Variants in TBC1D5 observed in about 807,000 individuals in gnomAD.
TBC1D5 encodes the protein TBC1 domain family member 5, also known as TBC1 domain family, member 5.
A neutral mutation model predicts 100.3 loss-of-function variants in TBC1D5; 75 were observed. That is an observed-to-expected ratio of 0.75 (90% CI 0.62 to 0.91). TBC1D5 has a LOEUF of 0.91. TBC1D5 is among the 40% of genes least tolerant of loss of function. TBC1D5 has a pLI of 0.00. For synonymous variants in TBC1D5, 323 were observed against 325.6 expected (o/e 0.99, Z 0.09); for missense variants, 910 against 942.4 (o/e 0.97, Z 0.45).
intron 3 of TBC1D5, among the ~76,000 whole-genome samples, chr3:17,476,542 G>A (rs936090538): frequency 5.3e-5 from 8 of 150,236 alleles, no homozygotes; most frequent in African/African-American, 2.0e-4. Flanking sequence ...TATATAAAAT[G>A]TGCATGTTTT....
chr3:17,405,269 T>C (rs937355646), intron 5 of TBC1D5, among the ~76,000 whole-genome samples: 3 of 152,072 alleles, frequency 2.0e-5, no homozygotes, highest in African/African-American at 7.2e-5. Flanking sequence ...ATAATTCACA[T>C]TTTACATTCT....
chr3:17,436,128 T>G (rs1481921060), intron 3 of TBC1D5, among the ~76,000 whole-genome samples: 1 of 152,164 alleles, frequency 6.6e-6, no homozygotes, highest in Non-Finnish European at 1.5e-5. Context: ...ACTGACAGAT[T>G]CAGTTTAATG....
intron 17 of TBC1D5, among the ~76,000 whole-genome samples, chr3:17,228,344 T>A (rs987133587): frequency 1.3e-5 from 2 of 152,102 alleles, no homozygotes; most frequent in Admixed American, 1.3e-4. Flanking sequence ...TAAATGATAA[T>A]GTAAAGGGTT....
Position 17,614,306 on chromosome 3 carries a change from G to A in TBC1D5, c.-36+9543C>T, listed in dbSNP as rs150250621. Among the ~76,000 whole-genome samples, 12 of 152,310 alleles carry A rather than the reference G, an allele frequency of 7.9e-5. No individual in the cohort carries two copies. The East Asian group carries it at 2.3e-3, about 29-fold the overall frequency. On this transcript the variant is annotated intron_variant, in intron 2 of 21. Transcript: ENST00000253692. ...TTACTGTAGCCTTGTAGTATAGTTTGAAGTCAGGTAGCTTGATGCCTCCAG... is the reference window on the plus strand; with the variant it reads ...TTACTGTAGCCTTGTAGTATAGTTTAAAGTCAGGTAGCTTGATGCCTCCAG...
chr3:17,182,306 C>T (rs983946680), intron 19 of TBC1D5, among the ~76,000 whole-genome samples: 1 of 152,200 alleles, frequency 6.6e-6, no homozygotes, highest in African/African-American at 2.4e-5. Context: ...TGAACGAGTT[C>T]TGGCTGAAAG....
intron 2 of TBC1D5, among the ~76,000 whole-genome samples, chr3:17,596,463 T>C (rs946857746): frequency 1.3e-5 from 2 of 151,440 alleles, no homozygotes; most frequent in South Asian, 4.2e-4. Context: ...GGATTACAGA[T>C]GCCCACCACC....
At chr3:17,733,060 G>A (rs1051313903) in intron 1 of TBC1D5, among the ~76,000 whole-genome samples, 2 of 152,160 alleles carry the variant, frequency 1.3e-5, no homozygotes, top group African/African-American at 2.4e-5. Flanking sequence ...AGGAGACAAG[G>A]TATATCTAGA....
At chr3:17,495,114 G>A (rs1226337187) in intron 3 of TBC1D5, among the ~76,000 whole-genome samples, 1 of 152,188 alleles carries the variant, frequency 6.6e-6, no homozygotes, top group East Asian at 1.9e-4. Flanking sequence ...GTTCCAATGA[G>A]AGAACCTGGA....
At chr3:17,707,589 T>C (rs2074303951) in intron 1 of TBC1D5, among the ~76,000 whole-genome samples, 1 of 152,154 alleles carries the variant, frequency 6.6e-6, no homozygotes, top group South Asian at 2.1e-4. Flanking sequence ...CTTATTCCTA[T>C]ATATTCTAAT....
intron 2 of TBC1D5, among the ~76,000 whole-genome samples, chr3:17,543,210 T>A (rs1009606752): frequency 1.3e-5 from 2 of 152,206 alleles, no homozygotes; most frequent in African/African-American, 4.8e-5. Flanking sequence ...TGCCTCTACA[T>A]GCATAAAACA....
At chr3:17,308,577 T>C (rs1173451720) in intron 13 of TBC1D5, among the ~76,000 whole-genome samples, 1 of 152,156 alleles carries the variant, frequency 6.6e-6, no homozygotes, top group Non-Finnish European at 1.5e-5. Context: ...AATAGAAACT[T>C]AGAAAACTGC....
chr3:17,379,188 C>T (rs1042840933), intron 9 of TBC1D5, among the ~76,000 whole-genome samples: 3 of 151,342 alleles, frequency 2.0e-5, no homozygotes, highest in Admixed American at 6.6e-5. Flanking sequence ...CAAAACATTA[C>T]AATTGTTATT....
At chr3:17,337,211 A>G (rs2088034393) in intron 13 of TBC1D5, among the ~76,000 whole-genome samples, 1 of 143,564 alleles carries the variant, frequency 7.0e-6, no homozygotes, top group South Asian at 2.2e-4. Context: ...CTGATAATTT[A>G]TATTTCTAAT....
chr3:17,645,282 G>T (rs887113486), intron 1 of TBC1D5, among the ~76,000 whole-genome samples: 1 of 152,078 alleles, frequency 6.6e-6, no homozygotes, highest in African/African-American at 2.4e-5. Context: ...CCAGCAGGGG[G>T]AGATACAGAG....
At chr3:17,228,720 A>G (rs1201404831) in intron 17 of TBC1D5, among the ~76,000 whole-genome samples, 1 of 151,526 alleles carries the variant, frequency 6.6e-6, no homozygotes, top group African/African-American at 2.4e-5. Flanking sequence ...AGTTGCACAA[A>G]GTTACTGTTC....
chr3:17,216,335 T>G (rs926357871), intron 17 of TBC1D5, among the ~76,000 whole-genome samples: 3 of 152,098 alleles, frequency 2.0e-5, no homozygotes, highest in African/African-American at 7.2e-5. Flanking sequence ...ACTCCTTTAA[T>G]AGGAAATCTT....
At position 17,673,781 on chromosome 3, in the gene TBC1D5, A is replaced by C. The variant is rs76803895; in HGVS notation, c.-100-49868T>G. Among the ~76,000 whole-genome samples, 1,461 of 152,278 alleles carry C rather than the reference A, an allele frequency of 9.6e-3. 20 individuals carry two copies. The highest frequency in any genetic ancestry group is 1.0e-2 in the Non-Finnish European group (677 of 68,022). On this transcript the variant is annotated intron_variant, in intron 1 of 21. Coordinates refer to ENST00000253692, the Ensembl canonical transcript of TBC1D5. ...TCTAAAAACTTTTAATTTAAATCTAAGACACTAAAAATTCTACCCTCTTTT... is the reference window on the plus strand; with the variant it reads ...TCTAAAAACTTTTAATTTAAATCTACGACACTAAAAATTCTACCCTCTTTT...
At chr3:17,430,513 A>C (rs1410802391) in intron 3 of TBC1D5, among the ~76,000 whole-genome samples, 1 of 151,732 alleles carries the variant, frequency 6.6e-6, no homozygotes, top group Non-Finnish European at 1.5e-5. Flanking sequence ...AAATGGTAAT[A>C]GGGAAAAAAA....
intron 4 of TBC1D5, among the ~76,000 whole-genome samples, chr3:17,407,947 T>C (rs982966363): frequency 2.0e-5 from 3 of 152,162 alleles, no homozygotes; most frequent in African/African-American, 7.2e-5. Context: ...ATTAGTGAAC[T>C]AAAAATTGTT....
Sources: allele counts gnomAD v4.1 joint callset (sites outside exome capture counted in the v4.1 genomes callset), GRCh38; gene constraint gnomAD v4.1.1; transcripts MANE v1.5; gene names NCBI Gene and HGNC (gene_info 2026-07-23, HGNC 2026-07-21).